The following THSD4 variants were observed in gnomAD, a reference collection of about 807,000 sequenced individuals.
The protein encoded by THSD4 is thrombospondin type 1 domain containing 4, also known as thrombospondin type-1 domain-containing protein 4.
THSD4 carries 69 observed loss-of-function variants against 119.0 expected under a neutral mutation model. The observed-to-expected ratio is 0.58, with a 90% CI of 0.48 to 0.71. The LOEUF (loss-of-function observed/expected upper bound fraction) is 0.71. Ranked by LOEUF, THSD4 falls within the 30% of genes least tolerant of loss-of-function variation. The pLI is 0.00. For missense variants in THSD4, 1,393 were observed against 1,391.1 expected, an observed-to-expected ratio of 1.00 and a Z score of -0.02; for synonymous variants, 524 against 540.4, an observed-to-expected ratio of 0.97 and a Z score of 0.42.
chr15:71,170,617 A>C (rs1650333894), intron 3 of THSD4, among the ~76,000 whole-genome samples: 1 of 152,182 alleles, frequency 6.6e-6, no homozygotes, highest in Non-Finnish European at 1.5e-5. Flanking sequence ...AATATCCAGC[A>C]CCCAACAAGG....
At chr15:71,601,957 AGG>A (rs1335566604) in intron 7 of THSD4, among the ~76,000 whole-genome samples, 1 of 152,146 alleles carries the variant, frequency 6.6e-6, no homozygotes, top group Non-Finnish European at 1.5e-5. Flanking sequence ...TTTTCTCTTC[AGG>A]GTAGCTTAGG....
intron 3 of THSD4, among the ~76,000 whole-genome samples, chr15:71,213,144 C>T (rs2043901292): frequency 6.6e-6 from 1 of 152,216 alleles, no homozygotes; most frequent in Admixed American, 6.5e-5. Context: ...TCCAAAGTTA[C>T]TAAGGGGAGA....
In THSD4 at chr15:71,552,172, A is replaced by G. The variant is rs145880427; in HGVS notation, c.1153-108358A>G. On this transcript the variant is annotated intron_variant, in intron 7 of 17. Coordinates refer to ENST00000261862, the MANE Select transcript of THSD4 (RefSeq NM_024817.3). ...TCACAGAAGCATCCATTGTGAGGGG[A>G]TGTGGCGGGAAATTTGTCAGTCAGC... 5.5e-3 allele frequency among the ~76,000 whole-genome samples: 832 copies of G among 152,278 alleles called. 6 individuals are homozygous for G. Among genetic ancestry groups the G allele is most frequent in the African/African-American group, 0.019 (793 of 41,542 alleles).
chr15:71,415,985 C>T (rs925875416), intron 7 of THSD4, among the ~76,000 whole-genome samples: 1 of 152,084 alleles, frequency 6.6e-6, no homozygotes, highest in African/African-American at 2.4e-5. Flanking sequence ...TTAGTAGAGA[C>T]AGGGTTTCGT....
chr15:71,184,348 C>A (rs921556166), intron 3 of THSD4: 1 of 151,764 alleles, frequency 6.6e-6, no homozygotes, highest in East Asian at 1.9e-4. Context: ...GTCCCAAAAT[C>A]TCACACTTGG....
At position 71,301,860 on chromosome 15, in the gene THSD4, G is replaced by A. The variant is rs77276686; in HGVS notation, c.1015+45145G>A. On this transcript the variant is annotated intron_variant, in intron 6 of 17. Transcript: ENST00000261862. ...GTGGAACTTGTAGGGAGCAGAGGAA[G>A]CATCACTCAGTCTTTGCAGTGCATG... Among the ~76,000 whole-genome samples, 638 of 152,260 alleles carry A rather than the reference G, an allele frequency of 4.2e-3. 3 individuals are homozygous for A. The highest frequency in any genetic ancestry group is 0.015 in the African/African-American group (609 of 41,564).
rs1038271970 is a variant in THSD4, at chr15:71,779,184, C to G, written c.*1810C>G. On this transcript the variant is annotated 3_prime_UTR_variant, in exon 18 of 18. Coordinates refer to ENST00000261862, the MANE Select transcript of THSD4 (RefSeq NM_024817.3). ...GCTTTCCAGCTTCTCTTCTAGGGAGCCCCAGGCATCATTTCCCAAAAGCAT... is the reference window on the plus strand; with the variant it reads ...GCTTTCCAGCTTCTCTTCTAGGGAGGCCCAGGCATCATTTCCCAAAAGCAT... 1.3e-5 allele frequency: 2 copies of G among 152,150 alleles called. No homozygotes were observed. Among genetic ancestry groups the G allele is most frequent in the Non-Finnish European group, 2.9e-5 (2 of 68,056 alleles). 9.4% of individuals were successfully genotyped at this position (152,150 alleles called of 1,614,324 possible).
Position 71,215,068 on chromosome 15 carries a change from G to A in THSD4, c.133G>A (p.Glu45Lys). ...PQRMAAEGAPEDDGGGGAPGV... is the reference protein window; with the variant it reads ...PQRMAAEGAPKDDGGGGAPGV... ...GCGGATGGCGGCGGAGGGCGCCCCC[G>A]AGGACGACGGCGGCGGCGGCGCCCC... The change falls in exon 4 of 18, where the codon GAG becomes AAG. Residue 45 changes from glutamate to lysine, a missense_variant. By Grantham distance (56) the Glu-to-Lys change is moderately conservative. Transcript: ENST00000261862. The A allele has an allele frequency of 7.7e-7, 1 of 1,299,514 alleles. No individual in the cohort carries two copies. Among genetic ancestry groups the A allele is most frequent in the Non-Finnish European group, 9.8e-7 (1 of 1,021,600 alleles). The allele number at this position is 1,299,514 out of a possible 1,614,324, so 80.5% of individuals were successfully genotyped here.
intron 1 of THSD4, among the ~76,000 whole-genome samples, chr15:71,120,509 C>G (rs1367266347): frequency 1.3e-5 from 2 of 152,208 alleles, no homozygotes; most frequent in African/African-American, 2.4e-5. Context: ...TTCACAGTGC[C>G]GCTGTGTCTT....
intron 7 of THSD4, among the ~76,000 whole-genome samples, chr15:71,493,843 G>C (rs1378433632): frequency 6.6e-6 from 1 of 152,350 alleles, no homozygotes; most frequent in Non-Finnish European, 1.5e-5. Context: ...CATCATCATA[G>C]CTGGGGCAAG....
Position 71,419,560 on chromosome 15 carries a change from TCAA to T in THSD4, c.1152+7738_1152+7740del, listed in dbSNP as rs2046788808. Among the ~76,000 whole-genome samples, 2 of 108,036 alleles carry T rather than the reference TCAA, an allele frequency of 1.9e-5. 1 individual carries two copies. Among genetic ancestry groups the T allele is most frequent in the African/African-American group, 6.3e-5 (2 of 31,774 alleles). 70.9% of individuals were successfully genotyped at this position (108,036 alleles called of 152,430 possible). A position where few individuals can be genotyped will look rare whatever the true frequency, so the allele number is the denominator to read the frequency against. On this transcript the variant is annotated intron_variant, in intron 7 of 17. Coordinates refer to ENST00000261862, the MANE Select transcript of THSD4 (RefSeq NM_024817.3). ...TGTATTTCTAGTTCTTTAAGATGCA[TCAA>T]TCGGTTGTTTGTTTGAAGTTTTTCT...
At chr15:71,410,807 G>A (rs373621974) in intron 6 of THSD4, among the ~76,000 whole-genome samples, 15 of 152,142 alleles carry the variant, frequency 9.9e-5, no homozygotes, top group Non-Finnish European at 2.1e-4. Context: ...CGAGGTGGGC[G>A]AATCACTTGA....
chr15:71,450,226 C>T (rs1460149901), intron 7 of THSD4, among the ~76,000 whole-genome samples: 2 of 152,206 alleles, frequency 1.3e-5, no homozygotes, highest in Admixed American at 6.5e-5. Context: ...GTCCATATGC[C>T]TCATTTGACT....
Position 71,327,082 on chromosome 15 carries a change from G to A in THSD4, c.1015+70367G>A, listed in dbSNP as rs528633285. ...CTCGGGATTCTGAGACGGGAGAATC[G>A]CTTGAACCCAGGAGGCAGTGGTTGT... On this transcript the variant is annotated intron_variant, in intron 6 of 17. Coordinates refer to ENST00000261862, the MANE Select transcript of THSD4 (RefSeq NM_024817.3). Among the ~76,000 whole-genome samples, 10 of 151,914 alleles carry A rather than the reference G, an allele frequency of 6.6e-5. No individual in the cohort carries two copies. The South Asian group carries it at 1.0e-3, about 16-fold the overall frequency.
intron 7 of THSD4, among the ~76,000 whole-genome samples, chr15:71,505,657 T>C (rs923263398): frequency 5.3e-5 from 8 of 152,200 alleles, no homozygotes; most frequent in Non-Finnish European, 1.2e-4. Flanking sequence ...CAAGTTTGTA[T>C]GGGAACAGAA....
At chr15:71,341,661 T>C (rs1165887388) in intron 6 of THSD4, 4 of 1,515,464 alleles carry the variant, frequency 2.6e-6, no homozygotes, top group African/African-American at 1.4e-5. Flanking sequence ...TTGGAACCTC[T>C]TGATTTGCCT....
rs961860274 is a variant in THSD4 at position 71,327,651 on chromosome 15, G to GA, written c.1015+70945dup. On this transcript the variant is annotated intron_variant, in intron 6 of 17. Transcript: ENST00000261862. ...TTCTTGTCACCCCCCACCCACTGTG[G>GA]AAAAAAAAATTGTTTAAAGCACAAT... 8.0e-5 allele frequency among the ~76,000 whole-genome samples: 12 copies of GA among 150,080 alleles called. No homozygotes were observed. The South Asian group carries it at 1.1e-3, about 13-fold the overall frequency.
rs527253771 is a variant in THSD4, at chr15:71,345,744, A to ATTCCG, written c.1016-65940_1016-65936dup. Among the ~76,000 whole-genome samples the ATTCCG allele has an allele frequency of 4.0e-3, 608 of 151,278 alleles. 7 individuals are homozygous for ATTCCG. Among genetic ancestry groups the ATTCCG allele is most frequent in the African/African-American group, 0.014 (583 of 41,210 alleles). ...ATCTTTCTAAGATGCCCCTAAAGAC[A>ATTCCG]TTCCGTTAGAGTGCCTTCGCCAGAA... On this transcript the variant is annotated intron_variant, in intron 6 of 17. Coordinates refer to ENST00000261862, the MANE Select transcript of THSD4 (RefSeq NM_024817.3).
intron 8 of THSD4, among the ~76,000 whole-genome samples, chr15:71,670,345 C>T (rs958055208): frequency 6.6e-6 from 1 of 151,766 alleles, no homozygotes; most frequent in East Asian, 2.0e-4. Context: ...GTTTTCTGTC[C>T]TGGCAATAGT....
Sources: allele counts gnomAD v4.1 joint callset (sites outside exome capture counted in the v4.1 genomes callset), GRCh38; gene constraint gnomAD v4.1.1; transcripts MANE v1.5; gene names NCBI Gene and HGNC (gene_info 2026-07-23, HGNC 2026-07-21).